Variants in PFKFB2 observed in about 807,000 individuals in gnomAD.
PFKFB2 encodes 6-phosphofructo-2-kinase/fructose-2,6-bisphosphatase 2.
Under a neutral mutation model 68.0 loss-of-function variants are expected in PFKFB2, and 53 were observed. That is an observed-to-expected ratio of 0.78 (90% CI 0.63 to 0.98). PFKFB2 has a LOEUF of 0.98. Among genes scored for constraint, PFKFB2 ranks in the 50% least tolerant of loss-of-function variants. The probability of loss-of-function intolerance (pLI) is 0.00; values close to 1 mark genes in which losing one functional copy is unlikely to be tolerated. For missense variants in PFKFB2, 451 were observed against 642.0 expected (o/e 0.70, Z 3.22); for synonymous variants, 222 against 227.6 (o/e 0.98, Z 0.22).
At chr1:207,049,813 G>C, upstream of PFKFB2, 4 of 1,241,532 alleles carry the variant, frequency 3.2e-6, no homozygotes, top group Non-Finnish European at 4.4e-6. Flanking sequence ...ACAAACTGAA[G>C]GAGTTAAAGC....
At chr1:207,059,376 T>C (rs1433814447) in intron 2 of PFKFB2, among the ~76,000 whole-genome samples, 2 of 152,044 alleles carry the variant, frequency 1.3e-5, no homozygotes, top group African/African-American at 4.8e-5. Flanking sequence ...TCATGGGGGA[T>C]TGAGAGCAGG....
At position 207,074,360 on chromosome 1, in the gene PFKFB2, T is replaced by C; in HGVS notation, c.*1989T>C. ...CTGTGTTTTAGAGGGTTATTCTAGG[T>C]TCTAGTCCCATCTTTAACCCTTTAC... is the stretch of plus-strand genomic sequence containing the variant. On this transcript the variant is annotated 3_prime_UTR_variant, in exon 15 of 15. Coordinates refer to ENST00000367080, the MANE Select transcript of PFKFB2 (RefSeq NM_006212.2). 1.0e-6 allele frequency: 1 copy of C among 985,394 alleles called. No individual in the cohort carries two copies. The highest frequency in any genetic ancestry group is 1.2e-6 in the Non-Finnish European group (1 of 829,880). The allele number at this position is 985,394 out of a possible 1,614,324, so 61.0% of individuals were successfully genotyped here. A position where few individuals can be genotyped will look rare whatever the true frequency, so the allele number is the denominator to read the frequency against.
At chr1:207,062,140 G>A (rs74443579) in intron 3 of PFKFB2, 62 bp downstream of exon 3, 1,043 of 1,607,424 alleles carry the variant, frequency 6.5e-4, no homozygotes, top group Non-Finnish European at 8.1e-4. Context: ...CAGGTCTCTG[G>A]GAGACTTATT....
In PFKFB2 at chr1:207,077,124, C is replaced by T. The variant is rs1315503066; in HGVS notation, c.*4753C>T. ...CCTGTTCAGAGCCTGGAGTTGTTAC[C>T]TTTACTTGAAGTCATCTCATCCAGT... is the stretch of plus-strand genomic sequence containing the variant. On this transcript the variant is annotated 3_prime_UTR_variant, in exon 15 of 15. Coordinates refer to ENST00000367080, the MANE Select transcript of PFKFB2 (RefSeq NM_006212.2). 4.1e-6 allele frequency: 4 copies of T among 984,870 alleles called. No homozygotes were observed. Among genetic ancestry groups the T allele is most frequent in the African/African-American group, 1.7e-5 (1 of 57,186 alleles). The allele number at this position is 984,870 out of a possible 1,614,324, so 61.0% of individuals were successfully genotyped here. A position where few individuals can be genotyped will look rare whatever the true frequency, so the allele number is the denominator to read the frequency against.
chr1:207,072,677 A>T lies in PFKFB2; in HGVS notation c.*306A>T. ...AAGATACACTCCCTTGGGGCTGAGCATGCCCCACACTCTTGGATCTTCTCT... is the reference window on the plus strand; with the variant it reads ...AAGATACACTCCCTTGGGGCTGAGCTTGCCCCACACTCTTGGATCTTCTCT... On this transcript the variant is annotated 3_prime_UTR_variant, in exon 15 of 15. Coordinates refer to ENST00000367080, the MANE Select transcript of PFKFB2 (RefSeq NM_006212.2). 1 of 1,122,690 alleles carries T rather than the reference A, an allele frequency of 8.9e-7. No individual in the cohort carries two copies. Among genetic ancestry groups the T allele is most frequent in the Non-Finnish European group, 1.1e-6 (1 of 916,258 alleles). 69.5% of individuals were successfully genotyped at this position (1,122,690 alleles called of 1,614,324 possible).
At chr1:207,051,102 C>G, upstream of PFKFB2, 3 of 1,434,418 alleles carry the variant, frequency 2.1e-6, no homozygotes, top group Non-Finnish European at 2.7e-6. Flanking sequence ...CCTTAGCAAG[C>G]GCGAACTCTT....
Position 207,070,496 on chromosome 1 carries a change from C to T in PFKFB2, c.1222+87C>T. The T allele has an allele frequency of 7.0e-7, 1 of 1,426,472 alleles. No individual in the cohort carries two copies. Among genetic ancestry groups the T allele is most frequent in the Non-Finnish European group, 9.6e-7 (1 of 1,037,724 alleles). The allele number at this position is 1,426,472 out of a possible 1,614,324, so 88.4% of individuals were successfully genotyped here. ...ACCAGGATTCCTGGGAAACAGACCTCCCTGTCTCCACTCAAATTAGAGTAC... is the reference window on the plus strand; with the variant it reads ...ACCAGGATTCCTGGGAAACAGACCTTCCTGTCTCCACTCAAATTAGAGTAC... On this transcript the variant is annotated intron_variant, in intron 12 of 14. Coordinates refer to ENST00000367080, the MANE Select transcript of PFKFB2 (RefSeq NM_006212.2). This position sits in a 1 kb window ranked among gnomAD's most constrained non-coding sequence, Gnocchi z 4.2.
upstream of PFKFB2, chr1:207,048,985 G>A (rs777576259): frequency 7.0e-6 from 11 of 1,575,780 alleles, no homozygotes. Context: ...CTGGATGTGT[G>A]AGGTAGTAGG....
rs1558059798 is a variant in PFKFB2, at chr1:207,061,181, A to ATCTT, written c.86-771_86-770insCTTT. Among the ~76,000 whole-genome samples the ATCTT allele has an allele frequency of 3.6e-3, 314 of 88,214 alleles. 1 individual carries two copies. The highest frequency in any genetic ancestry group is 5.7e-3 in the Non-Finnish European group (246 of 43,178). The allele number at this position is 88,214 out of a possible 152,430, so 57.9% of individuals were successfully genotyped here. A position where few individuals can be genotyped will look rare whatever the true frequency, so the allele number is the denominator to read the frequency against. On this transcript the variant is annotated intron_variant, in intron 2 of 14. Coordinates refer to ENST00000367080, the MANE Select transcript of PFKFB2 (RefSeq NM_006212.2). The stretch of plus-strand genomic sequence containing the variant: ...TATATATCTTTATATATATATATAT[A>ATCTT]TATATATATATATATATATATTTTA...
upstream of PFKFB2, chr1:207,049,558 T>TCGA: frequency 1.2e-6 from 2 of 1,614,202 alleles, no homozygotes; most frequent in Non-Finnish European, 1.7e-6. Flanking sequence ...GACTCCTCCT[T>TCGA]CGACGACATA....
chr1:207,074,380 C>G lies in PFKFB2; in HGVS notation c.*2009C>G. On this transcript the variant is annotated 3_prime_UTR_variant, in exon 15 of 15. Coordinates refer to ENST00000367080, the MANE Select transcript of PFKFB2 (RefSeq NM_006212.2). ...CTAGGTTCTAGTCCCATCTTTAACC[C>G]TTTACATTGCTGAGTGATGTGGAAC... 2 of 985,332 alleles carry G rather than the reference C, an allele frequency of 2.0e-6. No homozygotes were observed. The highest frequency in any genetic ancestry group is 4.7e-5 in the South Asian group (1 of 21,276). The allele number at this position is 985,332 out of a possible 1,614,324, so 61.0% of individuals were successfully genotyped here.
chr1:207,046,997 T>C (rs1419576761), intron 2 of PFKFB2: 1 of 152,258 alleles, frequency 6.6e-6, no homozygotes, highest in Admixed American at 6.5e-5. Context: ...TAATGATGCA[T>C]AAAGCTCAAT....
upstream of PFKFB2, among the ~76,000 whole-genome samples, chr1:207,052,566 A>T (rs528384137): frequency 9.9e-5 from 15 of 152,254 alleles, no homozygotes; most frequent in African/African-American, 3.1e-4. Context: ...AGGCAGGAGA[A>T]TCGCTTGAAC....
intron 3 of PFKFB2, among the ~76,000 whole-genome samples, chr1:207,062,336 G>A (rs1683142700): frequency 1.3e-5 from 2 of 152,176 alleles, no homozygotes; most frequent in Admixed American, 6.5e-5. Flanking sequence ...CTTTTCAGAA[G>A]CCTTACATGG....
Position 207,076,912 on chromosome 1 carries a change from T to A in PFKFB2, c.*4541T>A. 1.0e-6 allele frequency: 1 copy of A among 983,728 alleles called. No individual in the cohort carries two copies. Among genetic ancestry groups the A allele is most frequent in the South Asian group, 4.7e-5 (1 of 21,240 alleles). The allele number at this position is 983,728 out of a possible 1,614,324, so 60.9% of individuals were successfully genotyped here. ...GTATGTACATTATGGTAATTCTCTGTCTATTAAATGTGTCTAACAAAGGAA... is the reference window on the plus strand; with the variant it reads ...GTATGTACATTATGGTAATTCTCTGACTATTAAATGTGTCTAACAAAGGAA... On this transcript the variant is annotated 3_prime_UTR_variant, in exon 15 of 15. Coordinates refer to ENST00000367080, the MANE Select transcript of PFKFB2 (RefSeq NM_006212.2).
At chr1:207,049,134 A>T, upstream of PFKFB2, 2 of 1,614,142 alleles carry the variant, frequency 1.2e-6, 1 homozygote, top group East Asian at 4.5e-5. Flanking sequence ...GGTTGACATC[A>T]GTAAACTGTC....
intron 7 of PFKFB2, 127 bp from the exon 8 acceptor site, chr1:207,064,909 G>A: frequency 1.8e-6 from 2 of 1,084,556 alleles, no homozygotes; most frequent in Non-Finnish European, 1.3e-6. Context: ...AATGAGTGGA[G>A]TGCCAATGTT....
In PFKFB2 at chr1:207,061,099, TTATATATATCTATATATCTTTA is replaced by T. The variant is rs1465467846; in HGVS notation, c.86-846_86-825del. 8.4e-5 allele frequency among the ~76,000 whole-genome samples: 6 copies of T among 71,426 alleles called. 1 individual carries two copies. Among genetic ancestry groups the T allele is most frequent in the African/African-American group, 3.8e-4 (6 of 15,848 alleles). The allele number at this position is 71,426 out of a possible 152,430, so 46.9% of individuals were successfully genotyped here. On this transcript the variant is annotated intron_variant, in intron 2 of 14. Transcript: ENST00000367080. ...TCTTTATATATCTTTATATATATCT[TTATATATATCTATATATCTTTA>T]TATATATCTTTATATATATCTTTAT...
Position 207,070,426 on chromosome 1 carries a change from G to A in PFKFB2, c.1222+17G>A, listed in dbSNP as rs201878894. 2,199 of 1,612,412 alleles carry A rather than the reference G, an allele frequency of 1.4e-3. 4 individuals carry two copies. The highest frequency in any genetic ancestry group is 1.8e-3 in the Non-Finnish European group (2,089 of 1,179,144). On this transcript the variant is annotated intron_variant, in intron 12 of 14. Coordinates refer to ENST00000367080, the MANE Select transcript of PFKFB2 (RefSeq NM_006212.2). The surrounding 1 kb of genome is among the most constrained non-coding windows in gnomAD (Gnocchi z 4.2). ...AGGGCGCAGGTGCCTTTGAGGGAGG[G>A]GCTGGGAGACACATCCAGTGGGAGA...
Sources: gnomAD v4.1 joint callset for allele counts (sites outside exome capture counted in the v4.1 genomes callset) on GRCh38, gnomAD v4.1.1 for gene constraint, Gnocchi (gnomAD v3.1) non-coding constraint, MANE v1.5 for transcripts, NCBI Gene and HGNC (gene_info 2026-07-23, HGNC 2026-07-21) for gene names.